SEPTIN9: variants seen among roughly 807,000 people sequenced by gnomAD.
SEPTIN9 encodes the protein septin 9.
A neutral mutation model predicts 56.6 loss-of-function variants in SEPTIN9; 13 were observed. The ratio of observed to expected loss-of-function variants is 0.23; its 90% CI spans 0.15 to 0.37. The LOEUF is 0.37. Ranked by LOEUF, SEPTIN9 falls within the 10% of genes least tolerant of loss-of-function variation. The probability of loss-of-function intolerance (pLI) is 1.00; values close to 1 mark genes in which losing one functional copy is unlikely to be tolerated. For missense variants in SEPTIN9, 650 were observed against 823.1 expected (o/e 0.79, Z 2.57); for synonymous variants, 332 against 334.1 (o/e 0.99, Z 0.07).
rs2039160224 is a variant in SEPTIN9 at position 77,475,248 on chromosome 17, C to T, written c.722-6896C>T. Reference sequence around the variant, plus strand: ...AACCGCACACATCATTATTCAGTTACCATCGTGGGGAGACTGTCTGGACGC... The same window carrying T: ...AACCGCACACATCATTATTCAGTTATCATCGTGGGGAGACTGTCTGGACGC... On this transcript the variant is annotated intron_variant, in intron 3 of 11. Transcript: ENST00000427177. The surrounding 1 kb of genome is among the most constrained non-coding windows in gnomAD (Gnocchi z 4.6). 7.4e-7 allele frequency: 1 copy of T among 1,355,238 alleles called. No individual in the cohort carries two copies. 84.0% of individuals were successfully genotyped at this position (1,355,238 alleles called of 1,614,324 possible). A position where few individuals can be genotyped will look rare whatever the true frequency, so the allele number is the denominator to read the frequency against.
chr17:77,314,562 C>T (rs901317586), intron 2 of SEPTIN9, among the ~76,000 whole-genome samples: 1 of 152,016 alleles, frequency 6.6e-6, no homozygotes, highest in African/African-American at 2.4e-5. Context: ...TTTACTGGAA[C>T]GTGTGTTAGG....
intron 2 of SEPTIN9, among the ~76,000 whole-genome samples, chr17:77,384,354 T>G (rs987102533): frequency 3.9e-5 from 6 of 152,058 alleles, no homozygotes; most frequent in Non-Finnish European, 8.8e-5. Context: ...TGTCCTTCAG[T>G]GTGTGACTGA....
At chr17:77,307,224 C>T in intron 2 of SEPTIN9, 27 bp downstream of exon 2, 2 of 1,604,288 alleles carry the variant, frequency 1.2e-6, no homozygotes, top group East Asian at 2.2e-5. Context: ...GCTCTGGCCC[C>T]ACCCAGCTCA....
chr17:77,320,702 C>T (rs375849418), intron 2 of SEPTIN9, among the ~76,000 whole-genome samples: 6 of 152,200 alleles, frequency 3.9e-5, no homozygotes, highest in South Asian at 2.1e-4. Flanking sequence ...GGGGCGGCGG[C>T]GCTTGGACCT....
chr17:77,395,786 A>G (rs905450882), intron 2 of SEPTIN9, among the ~76,000 whole-genome samples: 1 of 152,130 alleles, frequency 6.6e-6, no homozygotes, highest in Non-Finnish European at 1.5e-5. Context: ...TATTCTCGGC[A>G]TTTCTCATCT....
Position 77,445,340 on chromosome 17 carries a change from T to C in SEPTIN9, c.722-36804T>C. On this transcript the variant is annotated intron_variant, in intron 3 of 11. Transcript: ENST00000427177. This position sits in a 1 kb window ranked among gnomAD's most constrained non-coding sequence, Gnocchi z 4.7. ...GCTCACAAAGGATAGGGAGGGATAT[T>C]GCTCTTGGCATTTGATGGGAAGCAT... is the stretch of plus-strand genomic sequence containing the variant. 3 of 464,686 alleles carry C rather than the reference T, an allele frequency of 6.5e-6. No individual in the cohort carries two copies. Among genetic ancestry groups the C allele is most frequent in the South Asian group, 4.6e-5 (3 of 64,572 alleles). 28.8% of individuals were successfully genotyped at this position (464,686 alleles called of 1,614,324 possible).
chr17:77,379,532 G>A (rs2035064896), intron 2 of SEPTIN9, among the ~76,000 whole-genome samples: 1 of 152,160 alleles, frequency 6.6e-6, no homozygotes, highest in Admixed American at 6.5e-5. Flanking sequence ...TTCCCTGATA[G>A]CCTGGTGCCG....
At chr17:77,458,645 A>G (rs996871217) in intron 3 of SEPTIN9, among the ~76,000 whole-genome samples, 5 of 152,178 alleles carry the variant, frequency 3.3e-5, no homozygotes, top group African/African-American at 1.2e-4. Context: ...CTGGACACAG[A>G]AGTGCTAATT....
rs1038603313 is a variant in SEPTIN9, at chr17:77,352,133, C to T, written c.76+44936C>T. Among the ~76,000 whole-genome samples, 4 of 152,040 alleles carry T rather than the reference C, an allele frequency of 2.6e-5. No individual in the cohort carries two copies. The East Asian group carries it at 7.7e-4, about 29-fold the overall frequency. ...CCGAAATCGGCCACGTGCGGTGGCT[C>T]ATGCCTGTAATCCCAGCACTTTGGG... is the stretch of plus-strand genomic sequence containing the variant. On this transcript the variant is annotated intron_variant, in intron 2 of 11. Coordinates refer to ENST00000427177, the MANE Select transcript of SEPTIN9 (RefSeq NM_001113491.2).
chr17:77,321,948 C>T (rs1043303624), intron 2 of SEPTIN9, among the ~76,000 whole-genome samples: 1 of 152,256 alleles, frequency 6.6e-6, no homozygotes, highest in East Asian at 1.9e-4. Context: ...GAGGGACCTT[C>T]GTCAGGCTTG....
intron 10 of SEPTIN9, 93 bp downstream of exon 10, chr17:77,493,169 C>G (rs551272479): frequency 2.1e-6 from 2 of 953,016 alleles, no homozygotes; most frequent in East Asian, 2.6e-5. Flanking sequence ...GCCAGGGACT[C>G]GTGGAACCTC....
At chr17:77,351,543 T>G (rs1473579891) in intron 2 of SEPTIN9, among the ~76,000 whole-genome samples, 3 of 152,086 alleles carry the variant, frequency 2.0e-5, no homozygotes, top group Non-Finnish European at 4.4e-5. Context: ...GCGGCCACAC[T>G]CAAGGTTAGG....
intron 3 of SEPTIN9, among the ~76,000 whole-genome samples, chr17:77,423,753 T>C (rs976942779): frequency 1.3e-5 from 2 of 152,224 alleles, no homozygotes; most frequent in African/African-American, 4.8e-5. Context: ...TTGGCCTCCA[T>C]TATTTGTTTT....
At chr17:77,480,377 G>A (rs1287908980) in intron 3 of SEPTIN9, among the ~76,000 whole-genome samples, 1 of 152,246 alleles carries the variant, frequency 6.6e-6, no homozygotes, top group Non-Finnish European at 1.5e-5. Context: ...CCGCTCCAGT[G>A]AAATAGGCCG....
intron 3 of SEPTIN9, among the ~76,000 whole-genome samples, chr17:77,474,991 G>A (rs1247886518): frequency 2.0e-5 from 3 of 151,874 alleles, no homozygotes; most frequent in Admixed American, 2.0e-4. Flanking sequence ...ACATTAGTGA[G>A]ACCCACTCTC....
intron 3 of SEPTIN9, among the ~76,000 whole-genome samples, chr17:77,463,078 A>G (rs1377207209): frequency 1.3e-5 from 2 of 152,144 alleles, no homozygotes; most frequent in Non-Finnish European, 2.9e-5. Context: ...CCCCTCTCAG[A>G]TCCTCTGTCT....
chr17:77,460,093 C>G (rs904790570), intron 3 of SEPTIN9, among the ~76,000 whole-genome samples: 1 of 151,374 alleles, frequency 6.6e-6, no homozygotes, highest in Non-Finnish European at 1.5e-5. Context: ...GGCCTTACCT[C>G]CAACATCAGG....
chr17:77,442,595 G>A (rs1048849802), intron 3 of SEPTIN9, among the ~76,000 whole-genome samples: 3 of 151,690 alleles, frequency 2.0e-5, no homozygotes, highest in African/African-American at 4.8e-5. Context: ...ATTATGGGCC[G>A]GGTGCGATGG....
rs1323507232 is a variant in SEPTIN9, at chr17:77,488,123, G to T, written c.1043-117G>T. The T allele has an allele frequency of 6.7e-6, 6 of 894,742 alleles. No homozygotes were observed. The Admixed American group carries it at 1.2e-4, about 17-fold the overall frequency. 55.4% of individuals were successfully genotyped at this position (894,742 alleles called of 1,614,324 possible). On this transcript the variant is annotated intron_variant, in intron 5 of 11. Coordinates refer to ENST00000427177, the MANE Select transcript of SEPTIN9 (RefSeq NM_001113491.2). ...GCTGAGGAAGGCCATTAATTTCCCG[G>T]TGTCTCCTTGGTTGTCATCGCTGCC...
Sources: allele counts gnomAD v4.1 joint callset (sites outside exome capture counted in the v4.1 genomes callset), GRCh38; gene constraint gnomAD v4.1.1; non-coding constraint Gnocchi (gnomAD v3.1); transcripts MANE v1.5; gene names NCBI Gene and HGNC (gene_info 2026-07-23, HGNC 2026-07-21).